Variants in EXOC4 observed in about 807,000 individuals in gnomAD.
The protein encoded by EXOC4 is exocyst complex component 4.
Under a neutral mutation model 107.2 loss-of-function variants are expected in EXOC4, and 71 were observed. The ratio of observed to expected loss-of-function variants is 0.66; its 90% CI spans 0.55 to 0.81. The LOEUF is 0.81. Among genes scored for constraint, EXOC4 ranks in the 30% least tolerant of loss-of-function variants. The pLI is 0.00. For missense variants in EXOC4, 1,108 were observed against 1,189.6 expected (o/e 0.93, Z 1.01); for synonymous variants, 456 against 441.2 (o/e 1.03, Z -0.42).
At chr7:133,743,313 C>T (rs1200213831) in intron 10 of EXOC4, among the ~76,000 whole-genome samples, 1 of 152,142 alleles carries the variant, frequency 6.6e-6, no homozygotes, top group Non-Finnish European at 1.5e-5. Flanking sequence ...ATTGAAGGGC[C>T]TGGGTCGTGT....
intron 10 of EXOC4, among the ~76,000 whole-genome samples, chr7:133,780,235 C>CA (rs916546092): frequency 6.3e-4 from 88 of 139,194 alleles, no homozygotes; most frequent in East Asian, 4.8e-3. Flanking sequence ...ATATGCTTCC[C>CA]AAAAAAAAAA....
intron 12 of EXOC4, among the ~76,000 whole-genome samples, chr7:133,904,983 A>G (rs970670036): frequency 2.7e-4 from 41 of 152,182 alleles, no homozygotes; most frequent in Non-Finnish European, 2.9e-5. Context: ...AAAACAGGAA[A>G]TGTTCTAGTT....
chr7:133,607,814 A>G (rs747990291), intron 9 of EXOC4, among the ~76,000 whole-genome samples: 1 of 152,218 alleles, frequency 6.6e-6, no homozygotes, highest in Non-Finnish European at 1.5e-5. Flanking sequence ...ATGTGATATA[A>G]AATGGACCAT....
rs76318410 is a variant in EXOC4, at chr7:133,717,937, A to G, written c.1514+87796A>G. Among the ~76,000 whole-genome samples the G allele has an allele frequency of 7.9e-5, 12 of 152,360 alleles. No homozygotes were observed. The East Asian group carries it at 2.3e-3, about 29-fold the overall frequency. On this transcript the variant is annotated intron_variant, in intron 10 of 17. Coordinates refer to ENST00000253861, the MANE Select transcript of EXOC4 (RefSeq NM_021807.4). The stretch of plus-strand genomic sequence containing the variant: ...TAAAGAACTCCTTTTAATAAGGAGA[A>G]TCAGGGACTTCTTCACAGAGGGAAT...
At chr7:133,353,658 G>A (rs1795960665) in intron 5 of EXOC4, among the ~76,000 whole-genome samples, 1 of 151,892 alleles carries the variant, frequency 6.6e-6, no homozygotes, top group Admixed American at 6.6e-5. Context: ...TGAGCTTCTT[G>A]GATGTTTATA....
intron 14 of EXOC4, 126 bp downstream of exon 14, chr7:133,938,195 G>A (rs972481585): frequency 5.3e-5 from 47 of 884,742 alleles, no homozygotes; most frequent in Non-Finnish European, 7.9e-5. Flanking sequence ...GAAGATCCTG[G>A]TTAGAATTCT....
rs114855043 is a variant in EXOC4 at position 133,457,950 on chromosome 7, C to T, written c.1183-17378C>T. Reference sequence around the variant, plus strand: ...GCTGTTGGTACTTGAATTTAGCAGACACCGAATTTTTCTCAGACTTTTAGA... The same window carrying T: ...GCTGTTGGTACTTGAATTTAGCAGATACCGAATTTTTCTCAGACTTTTAGA... On this transcript the variant is annotated intron_variant, in intron 7 of 17. Coordinates refer to ENST00000253861, the MANE Select transcript of EXOC4 (RefSeq NM_021807.4). Among the ~76,000 whole-genome samples, 719 of 152,232 alleles carry T rather than the reference C, an allele frequency of 4.7e-3. 5 individuals are homozygous for T. The highest frequency in any genetic ancestry group is 0.017 in the African/African-American group (698 of 41,538).
chr7:134,037,996 A>G (rs1795430041), intron 17 of EXOC4, among the ~76,000 whole-genome samples: 1 of 152,230 alleles, frequency 6.6e-6, no homozygotes, highest in South Asian at 2.1e-4. Context: ...AGGTGCAAAC[A>G]TAGATAACTT....
chr7:133,958,586 G>A (rs1298347041), intron 14 of EXOC4, among the ~76,000 whole-genome samples: 2 of 151,766 alleles, frequency 1.3e-5, no homozygotes, highest in African/African-American at 4.8e-5. Flanking sequence ...ACCTACTCTG[G>A]CACAAAAAAC....
intron 12 of EXOC4, among the ~76,000 whole-genome samples, chr7:133,908,251 T>C (rs1400768222): frequency 6.6e-6 from 1 of 152,268 alleles, no homozygotes; most frequent in African/African-American, 2.4e-5. Flanking sequence ...CAAGGGACTT[T>C]ATGGTCACAG....
chr7:133,330,723 G>C (rs549527977), intron 5 of EXOC4, among the ~76,000 whole-genome samples: 9 of 152,154 alleles, frequency 5.9e-5, no homozygotes, highest in African/African-American at 1.9e-4. Context: ...AGAATTCCTT[G>C]TGCTTCCTGG....
At chr7:133,709,354 A>G (rs10247248) in intron 10 of EXOC4, among the ~76,000 whole-genome samples, 149,772 of 152,318 alleles carry the variant, frequency 0.98, 73,710 homozygotes, top group Middle Eastern at 1. Flanking sequence ...AGTCAGCTAC[A>G]GTGAAGCATC....
intron 17 of EXOC4, among the ~76,000 whole-genome samples, chr7:134,055,143 G>T (rs1218649667): frequency 6.6e-6 from 1 of 152,096 alleles, no homozygotes; most frequent in East Asian, 1.9e-4. Context: ...TTCCTTTGAG[G>T]CCCTTCAGTC....
At chr7:133,293,165 A>G (rs997578176) in intron 3 of EXOC4, among the ~76,000 whole-genome samples, 4 of 152,170 alleles carry the variant, frequency 2.6e-5, no homozygotes, top group African/African-American at 7.2e-5. Flanking sequence ...GCATATCCCA[A>G]TAAACAATGA....
intron 1 of EXOC4, among the ~76,000 whole-genome samples, chr7:133,273,610 G>C (rs965667156): frequency 1.1e-4 from 17 of 152,116 alleles, no homozygotes; most frequent in Non-Finnish European, 2.2e-4. Context: ...AATTCTTTTT[G>C]GAGGTTAGAT....
At chr7:133,636,435 G>A (rs942763313) in intron 10 of EXOC4, among the ~76,000 whole-genome samples, 1 of 152,170 alleles carries the variant, frequency 6.6e-6, no homozygotes, top group Non-Finnish European at 1.5e-5. Flanking sequence ...TATGCAAAAA[G>A]TGAGTTTTAT....
intron 6 of EXOC4, among the ~76,000 whole-genome samples, chr7:133,362,227 T>C (rs529328272): frequency 6.6e-6 from 1 of 152,334 alleles, no homozygotes; most frequent in African/African-American, 2.4e-5. Context: ...ACTTTTCTAG[T>C]ACTTATATAG....
At chr7:133,637,093 G>C (rs1486840828) in intron 10 of EXOC4, among the ~76,000 whole-genome samples, 1 of 152,154 alleles carries the variant, frequency 6.6e-6, no homozygotes, top group Non-Finnish European at 1.5e-5. Context: ...CTTAAAGTTA[G>C]GAGGACAGGA....
chr7:134,042,729 T>C (rs1795548832), intron 17 of EXOC4, among the ~76,000 whole-genome samples: 1 of 152,068 alleles, frequency 6.6e-6, no homozygotes, highest in East Asian at 1.9e-4. Context: ...TCCTGGAAAA[T>C]GGAAATAATA....
Sources: allele counts gnomAD v4.1 joint callset (sites outside exome capture counted in the v4.1 genomes callset), GRCh38; gene constraint gnomAD v4.1.1; transcripts MANE v1.5; gene names NCBI Gene and HGNC (gene_info 2026-07-23, HGNC 2026-07-21).